C5orf22: variants seen among roughly 807,000 people sequenced by gnomAD.
The protein encoded by C5orf22 is chromosome 5 open reading frame 22, also known as UPF0489 protein C5orf22.
A neutral mutation model predicts 48.7 loss-of-function variants in C5orf22; 36 were observed. The observed-to-expected ratio is 0.74, with a 90% CI of 0.57 to 0.98. C5orf22 has a LOEUF of 0.98. Among genes scored for constraint, C5orf22 ranks in the 50% least tolerant of loss-of-function variants. The pLI is 0.00. For synonymous variants in C5orf22, 141 were observed against 180.8 expected, an observed-to-expected ratio of 0.78 and a Z score of 1.76; for missense variants, 486 against 521.9, an observed-to-expected ratio of 0.93 and a Z score of 0.67.
chr5:31,538,335 T>G lies in C5orf22; in HGVS notation c.453T>G (p.Pro151=), dbSNP rs1455114191. ...VPEDQLENQK[P]LQLDVIMVKP... is the part of the protein sequence containing the mutation. ...AAGACCAGCTAGAGAACCAAAAACC[T>G]TTACAATTGGATGTAATTATGGTAA... The change falls in exon 4 of 9, where the codon CCT becomes CCG. Residue 151 remains proline, a synonymous_variant. Coordinates refer to ENST00000325366, the MANE Select transcript of C5orf22 (RefSeq NM_018356.3). The G allele has an allele frequency of 6.2e-7, 1 of 1,613,920 alleles. No individual in the cohort carries two copies. The highest frequency in any genetic ancestry group is 1.7e-5 in the Admixed American group (1 of 59,988).
At chr5:31,534,951 C>T in intron 2 of C5orf22, 1 of 448,286 alleles carries the variant, frequency 2.2e-6, no homozygotes, top group South Asian at 1.6e-5. Flanking sequence ...TAATATTTGC[C>T]TTTATAGAGA....
chr5:31,545,020 C>T (rs889954907), intron 6 of C5orf22, among the ~76,000 whole-genome samples: 1 of 147,520 alleles, frequency 6.8e-6, no homozygotes, highest in East Asian at 2.0e-4. Flanking sequence ...CTTTTTTCAT[C>T]ACAGTGTGCT....
chr5:31,547,382 T>C (rs933276891), intron 7 of C5orf22, among the ~76,000 whole-genome samples: 8 of 152,250 alleles, frequency 5.3e-5, no homozygotes, highest in Admixed American at 3.9e-4. Context: ...TTCTGGGATC[T>C]GGAGGACGGA....
intron 8 of C5orf22, among the ~76,000 whole-genome samples, chr5:31,552,201 C>T (rs1743322781): frequency 6.6e-6 from 1 of 152,192 alleles, no homozygotes; most frequent in Non-Finnish European, 1.5e-5. Context: ...ATATCTGCCC[C>T]AACCTACTTT....
intron 7 of C5orf22, among the ~76,000 whole-genome samples, chr5:31,547,249 T>A (rs900636684): frequency 6.6e-6 from 1 of 152,284 alleles, no homozygotes; most frequent in African/African-American, 2.4e-5. Context: ...TCGCATTGTC[T>A]TGGGCAGTTC....
At chr5:31,550,674 T>C (rs1183916552) in intron 7 of C5orf22, among the ~76,000 whole-genome samples, 1 of 152,102 alleles carries the variant, frequency 6.6e-6, no homozygotes, top group Non-Finnish European at 1.5e-5. Context: ...CAAGTGATTC[T>C]CCTGCCTTAG....
chr5:31,541,091 C>A, intron 5 of C5orf22, 80 bp downstream of exon 5: 1 of 1,206,884 alleles, frequency 8.3e-7, no homozygotes, highest in Non-Finnish European at 1.2e-6. Flanking sequence ...ACAGTGATCT[C>A]AAAGACTGCT....
Position 31,552,853 on chromosome 5 carries a change from A to G in C5orf22, c.1280A>G (p.Tyr427Cys), listed in dbSNP as rs906553323. 2.5e-6 allele frequency: 4 copies of G among 1,613,726 alleles called. No individual in the cohort carries two copies. The highest frequency in any genetic ancestry group is 2.2e-5 in the South Asian group (2 of 91,062). Residue 427 changes from tyrosine (Y) to cysteine (C), a missense_variant, in exon 9 of 9, where the codon TAT (tyrosine) becomes TGT (cysteine). Tyr to Cys is a radical substitution (Grantham distance 194). Coordinates refer to ENST00000325366, the MANE Select transcript of C5orf22 (RefSeq NM_018356.3). Reference sequence around the variant, plus strand: ...GTCCTCAATATGCTACGTGCCCTCTATGGAAATCTAGACCTCCAAGTGTAT... The same window carrying G: ...GTCCTCAATATGCTACGTGCCCTCTGTGGAAATCTAGACCTCCAAGTGTAT... ...EKVLNMLRAL[Y>C]GNLDLQVYAA...
chr5:31,535,735 CT>C lies in C5orf22; in HGVS notation c.228-5del. The C allele has an allele frequency of 6.3e-7, 1 of 1,575,420 alleles. No individual in the cohort carries two copies. The highest frequency in any genetic ancestry group is 8.6e-7 in the Non-Finnish European group (1 of 1,164,978). ...AAGTTTTAATGTTGTCTCTATGTTT[CT>C]TTTCCAGAGAATTAAGTATTGAAAA... On this transcript the variant is annotated splice_polypyrimidine_tract_variant and splice_region_variant and intron_variant, in intron 2 of 8. Coordinates refer to ENST00000325366, the MANE Select transcript of C5orf22 (RefSeq NM_018356.3).
At position 31,553,697 on chromosome 5, in the gene C5orf22, T is replaced by G. The variant is rs537123863; in HGVS notation, c.*795T>G. On this transcript the variant is annotated 3_prime_UTR_variant, in exon 9 of 9. Coordinates refer to ENST00000325366, the MANE Select transcript of C5orf22 (RefSeq NM_018356.3). ...TAGGAAGTCTACCTTTCCAAGGAAT[T>G]TGGCATTGTGGCCCTGCTCTTGCCA... is the stretch of plus-strand genomic sequence containing the variant. The G allele has an allele frequency of 6.6e-6, 1 of 152,308 alleles. No individual in the cohort carries two copies. Among genetic ancestry groups the G allele is most frequent in the South Asian group, 2.1e-4 (1 of 4,826 alleles). 9.4% of individuals were successfully genotyped at this position (152,308 alleles called of 1,614,324 possible). A position where few individuals can be genotyped will look rare whatever the true frequency, so the allele number is the denominator to read the frequency against.
intron 6 of C5orf22, 71 bp from the exon 7 acceptor site, chr5:31,545,575 G>A: frequency 1.0e-6 from 1 of 999,950 alleles, no homozygotes; most frequent in South Asian, 1.3e-5. Flanking sequence ...TTAGTATAAT[G>A]TATAATTTGC....
chr5:31,539,890 T>A (rs11739171), intron 4 of C5orf22, among the ~76,000 whole-genome samples: 9,328 of 150,076 alleles, frequency 0.062, 369 homozygotes, highest in East Asian at 0.16. Flanking sequence ...TAAAAAAAAA[T>A]TTTTTTTTTA....
intron 1 of C5orf22, among the ~76,000 whole-genome samples, chr5:31,533,306 C>T (rs540019115): frequency 2.0e-5 from 3 of 151,752 alleles, no homozygotes; most frequent in African/African-American, 7.2e-5. Context: ...CATAGATAAA[C>T]ACTAAAAGGG....
intron 1 of C5orf22, among the ~76,000 whole-genome samples, chr5:31,533,873 G>A (rs567728387): frequency 6.6e-6 from 1 of 152,234 alleles, no homozygotes; most frequent in Admixed American, 6.5e-5. Context: ...CTGCTTTCCA[G>A]GCTGGGCAAC....
At chr5:31,545,733 T>G in intron 7 of C5orf22, 21 bp downstream of exon 7, 1 of 1,496,686 alleles carries the variant, frequency 6.7e-7, no homozygotes, top group Non-Finnish European at 9.2e-7. Flanking sequence ...TATATTAATG[T>G]GTAAAATTGA....
intron 5 of C5orf22, 93 bp downstream of exon 5, chr5:31,541,104 AAGTGTGTG>A: frequency 2.0e-6 from 2 of 981,448 alleles, no homozygotes; most frequent in Non-Finnish European, 1.5e-6. Flanking sequence ...AGACTGCTCA[AAGTGTGTG>A]TGTGTGTGTG....
intron 6 of C5orf22, among the ~76,000 whole-genome samples, chr5:31,545,260 A>G (rs13167032): frequency 0.2 from 29,662 of 151,778 alleles, 3,179 homozygotes; most frequent in African/African-American, 0.26. Context: ...GTTTCACCAC[A>G]TTGGCCAGGC....
chr5:31,534,977 G>A (rs927699980), intron 2 of C5orf22: 11 of 454,256 alleles, frequency 2.4e-5, no homozygotes, highest in East Asian at 1.4e-4. Flanking sequence ...GGATTCTCAC[G>A]TCTATTTCTG....
At position 31,550,451 on chromosome 5, in the gene C5orf22, A is replaced by T. The variant is rs141034372; in HGVS notation, c.1060-842A>T. ...AAACAGTTTGGTTAAATAAGGTAGG[A>T]TAAATATTTTCTCTTGTATCCTCTC... On this transcript the variant is annotated intron_variant, in intron 7 of 8. Coordinates refer to ENST00000325366, the MANE Select transcript of C5orf22 (RefSeq NM_018356.3). Among the ~76,000 whole-genome samples, 195 of 152,356 alleles carry T rather than the reference A, an allele frequency of 1.3e-3. 1 individual carries two copies. Among genetic ancestry groups the T allele is most frequent in the African/African-American group, 4.2e-3 (176 of 41,586 alleles).
Sources: gnomAD v4.1 joint callset for allele counts (sites outside exome capture counted in the v4.1 genomes callset) on GRCh38, gnomAD v4.1.1 for gene constraint, MANE v1.5 for transcripts, NCBI Gene and HGNC (gene_info 2026-07-23, HGNC 2026-07-21) for gene names.